ABHD14B: variants seen among roughly 807,000 people sequenced by gnomAD.
ABHD14B encodes abhydrolase domain containing 14B, also known as putative protein-lysine deacylase ABHD14B.
In ABHD14B, 19 loss-of-function variants were observed where a neutral mutation model predicts 15.4. That is an observed-to-expected ratio of 1.23 (90% CI 0.86 to 1.81). ABHD14B has a LOEUF of 1.81. Ranked by LOEUF, ABHD14B falls within the 40% of genes most tolerant of loss-of-function variation. The pLI is 0.00. For missense variants in ABHD14B, 243 were observed against 267.0 expected, an observed-to-expected ratio of 0.91 and a Z score of 0.63; for synonymous variants, 92 against 117.3, an observed-to-expected ratio of 0.78 and a Z score of 1.39.
At chr3:51,971,391 T>C in intron 2 of ABHD14B, 69 bp downstream of exon 2, 1 of 1,433,610 alleles carries the variant, frequency 7.0e-7, no homozygotes. Context: ...GGCTACATGT[T>C]ATAGGAACCT....
intron 2 of ABHD14B, 148 bp from the exon 3 acceptor site, chr3:51,970,332 C>T (rs1700631977): frequency 1.9e-6 from 2 of 1,049,774 alleles, no homozygotes; most frequent in Non-Finnish European, 2.7e-6. Flanking sequence ...TTTATTCCTA[C>T]AGTAGCCTCA....
intron 2 of ABHD14B, 47 bp downstream of exon 2, chr3:51,971,413 T>A: frequency 1.3e-6 from 2 of 1,486,168 alleles, no homozygotes; most frequent in Non-Finnish European, 1.8e-6. Flanking sequence ...GCCCTGTCCC[T>A]AATGAGACCT....
rs766945338 is a variant in ABHD14B at position 51,969,523 on chromosome 3, C to G, written c.536G>C (p.Arg179Pro). 2.5e-6 allele frequency: 4 copies of G among 1,613,934 alleles called. No individual in the cohort carries two copies. The highest frequency in any genetic ancestry group is 2.5e-6 in the Non-Finnish European group (3 of 1,179,998). Residue 179 changes from arginine to proline, a missense_variant, in exon 4 of 4, where the codon CGG becomes CCG. Coordinates refer to ENST00000361143, the MANE Select transcript of ABHD14B (RefSeq NM_001146314.2). ...FEHLKQLPNH[R>P]VLIMKGAGHP... is the part of the protein sequence containing the mutation. Reference sequence around the variant, plus strand: ...CCCCGCCCCCTTCATGATCAGCACCCGGTGGTTGGGCAGCTGCTTCAGGTG... The same window carrying G: ...CCCCGCCCCCTTCATGATCAGCACCGGGTGGTTGGGCAGCTGCTTCAGGTG...
In ABHD14B at chr3:51,969,147, A is replaced by G. The variant is rs1700593524; in HGVS notation, c.*279T>C. On this transcript the variant is annotated 3_prime_UTR_variant, in exon 4 of 4. Transcript: ENST00000361143. ...GGGGAAGGAGTGAAAGCCAGGCAGG[A>G]AAGTGGAAGAACAGGAGAAGCTCAT... is the stretch of plus-strand genomic sequence containing the variant. 3.3e-6 allele frequency: 1 copy of G among 300,410 alleles called. No individual in the cohort carries two copies. The highest frequency in any genetic ancestry group is 6.5e-5 in the South Asian group (1 of 15,282). 18.6% of individuals were successfully genotyped at this position (300,410 alleles called of 1,614,324 possible).
chr3:51,969,601 G>A lies in ABHD14B; in HGVS notation c.458C>T (p.Pro153Leu). Reference protein sequence around the residue: ...NAANYASVKTPALIVYGDQDP... With the variant: ...NAANYASVKTLALIVYGDQDP... Reference sequence around the variant, plus strand: ...CTGGTCTCCATATACAATCAGAGCTGGAGTCTGAGAGGAAGGATAGGGGGG... The same window carrying A: ...CTGGTCTCCATATACAATCAGAGCTAGAGTCTGAGAGGAAGGATAGGGGGG... Residue 153 changes from proline (P) to leucine (L), a missense_variant, in exon 4 of 4, where the codon CCA becomes CTA. Coordinates refer to ENST00000361143, the MANE Select transcript of ABHD14B (RefSeq NM_001146314.2). The A allele has an allele frequency of 6.2e-7, 1 of 1,611,848 alleles. No homozygotes were observed. The highest frequency in any genetic ancestry group is 8.5e-7 in the Non-Finnish European group (1 of 1,179,042).
chr3:51,968,606 G>A lies in ABHD14B; in HGVS notation c.*820C>T, dbSNP rs1339980520. On this transcript the variant is annotated 3_prime_UTR_variant, in exon 4 of 4. Coordinates refer to ENST00000361143, the MANE Select transcript of ABHD14B (RefSeq NM_001146314.2). ...AAACAAGCTTGGCTGAGATGCCTCA[G>A]GCCTGGTAACCTGAGGTGTAGAGCA... is the stretch of plus-strand genomic sequence containing the variant. 2 of 150,216 alleles carry A rather than the reference G, an allele frequency of 1.3e-5. No individual in the cohort carries two copies. The highest frequency in any genetic ancestry group is 5.1e-5 in the African/African-American group (2 of 39,460). 9.3% of individuals were successfully genotyped at this position (150,216 alleles called of 1,614,324 possible). A position where few individuals can be genotyped will look rare whatever the true frequency, so the allele number is the denominator to read the frequency against.
intron 1 of ABHD14B, among the ~76,000 whole-genome samples, chr3:51,972,307 C>A (rs373264356): frequency 2.7e-5 from 4 of 150,262 alleles, no homozygotes; most frequent in Non-Finnish European, 5.9e-5. Context: ...CGGTGGCACA[C>A]GCCTGTAATC....
intron 1 of ABHD14B, among the ~76,000 whole-genome samples, chr3:51,973,247 T>G (rs933987508): frequency 1.3e-5 from 2 of 151,638 alleles, no homozygotes; most frequent in Non-Finnish European, 2.9e-5. Context: ...AGACGGGGTT[T>G]CGCCGTGTTA....
chr3:51,971,566 T>A lies in ABHD14B; in HGVS notation c.105A>T (p.Val35=). 6.2e-7 allele frequency: 1 copy of A among 1,613,582 alleles called. No individual in the cohort carries two copies. Among genetic ancestry groups the A allele is most frequent in the Non-Finnish European group, 8.5e-7 (1 of 1,179,926 alleles). ...AGAAGCGAATACCATGCAGCAGCAG[T>A]ACAGAGAAGCGAGCCTGCCCACTGC... ...LPGSGQARFS[V]LLLHGIRFSS... is the part of the protein sequence containing the mutation. Residue 35 remains valine, a synonymous_variant, in exon 2 of 4, where the codon GTA becomes GTT. Transcript: ENST00000361143.
intron 1 of ABHD14B, 94 bp downstream of exon 1, chr3:51,973,871 A>C (rs773608390): frequency 5.3e-4 from 688 of 1,289,602 alleles, no homozygotes; most frequent in Non-Finnish European, 6.6e-4. Flanking sequence ...ACTCCCAAGG[A>C]GGGGACCCAG....
chr3:51,971,995 A>C lies in ABHD14B; in HGVS notation c.-28-297T>G, dbSNP rs910181190. The C allele has an allele frequency of 1.9e-5, 6 of 320,970 alleles. No individual in the cohort carries two copies. In the South Asian group the frequency reaches 3.6e-4, roughly 19 times the overall value. The allele number at this position is 320,970 out of a possible 1,614,324, so 19.9% of individuals were successfully genotyped here. ...CATGGTGGCTCACGCCTGTAATCCC[A>C]GCACTTTGGGAGGCCGAGGCGGGTG... On this transcript the variant is annotated intron_variant, in intron 1 of 3. Coordinates refer to ENST00000361143, the MANE Select transcript of ABHD14B (RefSeq NM_001146314.2).
rs1224524771 is a variant in ABHD14B at position 51,969,442 on chromosome 3, AG to A, written c.616del (p.Leu206CysfsTer20). ...TGCTGGGCTTCACTGGAGCCCCTGC[AG>A]GAAGTCCAGCAGCCCTGTATGCCAC... ...EEWHTGLLDFLQGLQ is the reference protein window; with the variant it reads ...EEWHTGLLDFXQGLQ On this transcript the variant is annotated frameshift_variant, in exon 4 of 4. Coordinates refer to ENST00000361143, the MANE Select transcript of ABHD14B (RefSeq NM_001146314.2). LOFTEE classifies it high-confidence loss of function. 2.5e-6 allele frequency: 4 copies of A among 1,612,394 alleles called. No homozygotes were observed. The highest frequency in any genetic ancestry group is 2.5e-6 in the Non-Finnish European group (3 of 1,179,260).
At chr3:51,970,569 T>G (rs1019772105) in intron 2 of ABHD14B, 1 of 486,014 alleles carries the variant, frequency 2.1e-6, no homozygotes, top group Non-Finnish European at 4.0e-6. Flanking sequence ...TATCTGCCAT[T>G]TAAGATTGTT....
At chr3:51,973,505 GTT>G (rs549700735) in intron 1 of ABHD14B, among the ~76,000 whole-genome samples, 2 of 126,828 alleles carry the variant, frequency 1.6e-5, no homozygotes, top group African/African-American at 3.7e-5. Context: ...ATTTTCTTCG[GTT>G]TTTTTTTTTT....
At position 51,969,622 on chromosome 3, in the gene ABHD14B, G is replaced by T. The variant is rs199791650; in HGVS notation, c.454-17C>A. ...AGCTGGAGTCTGAGAGGAAGGATAGGGGGGTGGGGCAGAGTCAACAGGGAC... is the reference window on the plus strand; with the variant it reads ...AGCTGGAGTCTGAGAGGAAGGATAGTGGGGTGGGGCAGAGTCAACAGGGAC... On this transcript the variant is annotated splice_polypyrimidine_tract_variant and intron_variant, in intron 3 of 3. Coordinates refer to ENST00000361143, the MANE Select transcript of ABHD14B (RefSeq NM_001146314.2). 217 of 1,605,234 alleles carry T rather than the reference G, an allele frequency of 1.4e-4. 2 individuals carry two copies. Among genetic ancestry groups the T allele is most frequent in the Middle Eastern group, 1.2e-3 (7 of 6,004 alleles).
At position 51,974,022 on chromosome 3, in the gene ABHD14B, G is replaced by A. The variant is rs1179845416; in HGVS notation, c.-86C>T. On this transcript the variant is annotated 5_prime_UTR_variant, in exon 1 of 4. Coordinates refer to ENST00000361143, the MANE Select transcript of ABHD14B (RefSeq NM_001146314.2). Reference sequence around the variant, plus strand: ...AGCAGGCGCGTGCTGGCGGTGACCTGGGGCCGGAGGAGGAACGCTGGGAAG... The same window carrying A: ...AGCAGGCGCGTGCTGGCGGTGACCTAGGGCCGGAGGAGGAACGCTGGGAAG... 3.1e-6 allele frequency: 4 copies of A among 1,288,714 alleles called. No homozygotes were observed. The highest frequency in any genetic ancestry group is 2.5e-4 in the Middle Eastern group (1 of 3,932). 79.8% of individuals were successfully genotyped at this position (1,288,714 alleles called of 1,614,324 possible).
rs775424639 is a variant in ABHD14B at position 51,969,490 on chromosome 3, CA to C, written c.568del (p.Cys190ValfsTer36). The stretch of plus-strand genomic sequence containing the variant: ...CCACTCCTCTGGTTTGTCCAGGTAA[CA>C]GGGGTGCCCCGCCCCCTTCATGATC... ...VLIMKGAGHP[C>X]YLDKPEEWHT... is the part of the protein sequence containing the mutation. On this transcript the variant is annotated frameshift_variant, in exon 4 of 4. Transcript: ENST00000361143. LOFTEE classifies it high-confidence loss of function. 31 of 1,613,852 alleles carry C rather than the reference CA, an allele frequency of 1.9e-5. No individual in the cohort carries two copies. The highest frequency in any genetic ancestry group is 3.3e-4 in the Middle Eastern group (2 of 6,068).
intron 2 of ABHD14B, among the ~76,000 whole-genome samples, 173 bp from the exon 3 acceptor site, chr3:51,970,357 G>A (rs1038252774): frequency 2.0e-5 from 3 of 152,174 alleles, no homozygotes; most frequent in African/African-American, 4.8e-5. Flanking sequence ...ATCTTATCGT[G>A]CCAAGCATGA....
rs1459572566 is a variant in ABHD14B, at chr3:51,969,617, G to A, written c.454-12C>T. Reference sequence around the variant, plus strand: ...ATCAGAGCTGGAGTCTGAGAGGAAGGATAGGGGGGTGGGGCAGAGTCAACA... The same window carrying A: ...ATCAGAGCTGGAGTCTGAGAGGAAGAATAGGGGGGTGGGGCAGAGTCAACA... On this transcript the variant is annotated splice_polypyrimidine_tract_variant and intron_variant, in intron 3 of 3. Transcript: ENST00000361143. The A allele has an allele frequency of 1.2e-6, 2 of 1,606,782 alleles. No homozygotes were observed. Among genetic ancestry groups the A allele is most frequent in the Non-Finnish European group, 1.7e-6 (2 of 1,175,930 alleles).
Sources: gnomAD v4.1 joint callset for allele counts (sites outside exome capture counted in the v4.1 genomes callset) on GRCh38, gnomAD v4.1.1 for gene constraint, MANE v1.5 for transcripts, NCBI Gene and HGNC (gene_info 2026-07-23, HGNC 2026-07-21) for gene names.